The following AHNAK2 variants were observed in gnomAD, a reference collection of about 807,000 sequenced individuals.
AHNAK2 encodes AHNAK nucleoprotein 2.
In AHNAK2, 18 loss-of-function variants were observed where a neutral mutation model predicts 30.7. The ratio of observed to expected loss-of-function variants is 0.59; its 90% CI spans 0.41 to 0.87. The LOEUF is 0.87. Among genes scored for constraint, AHNAK2 ranks in the 40% least tolerant of loss-of-function variants. The pLI, the probability that AHNAK2 is intolerant of heterozygous loss-of-function variation, is 0.00. For missense variants in AHNAK2, 8,604 were observed against 7,373.0 expected, an observed-to-expected ratio of 1.17 and a Z score of -6.11; for synonymous variants, 3,590 against 3,073.8, an observed-to-expected ratio of 1.17 and a Z score of -5.56.
Position 104,954,256 on chromosome 14 carries a change from GC to G in AHNAK2, c.1194del (p.Glu398AspfsTer49), listed in dbSNP as rs1310517797. ...CCCTCGCAAAGTCTAGGGTCACCGA[GC>G]TCTGTGGGCAATGGCATGCTCTGAG... is the stretch of plus-strand genomic sequence containing the variant. ...MPAQSMPLPTELGDPRLCEGT... is the reference protein window; with the variant it reads ...MPAQSMPLPTXLGDPRLCEGT... On this transcript the variant is annotated frameshift_variant, in exon 7 of 7. Transcript: ENST00000333244. LOFTEE classifies it low-confidence loss of function (END_TRUNC). This position sits in a 1 kb window ranked among gnomAD's most constrained non-coding sequence, Gnocchi z 4.3. 6.2e-7 allele frequency: 1 copy of G among 1,612,894 alleles called. No individual in the cohort carries two copies. The highest frequency in any genetic ancestry group is 1.3e-5 in the African/African-American group (1 of 74,916).
In AHNAK2 at chr14:104,940,594, A is replaced by G; in HGVS notation, c.14857T>C (p.Leu4953=). The G allele has an allele frequency of 6.2e-7, 1 of 1,613,624 alleles. No homozygotes were observed. Among genetic ancestry groups the G allele is most frequent in the Non-Finnish European group, 8.5e-7 (1 of 1,179,832 alleles). Residue 4953 remains leucine, a synonymous_variant, in exon 7 of 7, where the codon TTG becomes CTG. Transcript: ENST00000333244. The surrounding 1 kb of genome is among the most constrained non-coding windows in gnomAD (Gnocchi z 4.4). The stretch of plus-strand genomic sequence containing the variant: ...GGAAGCTTAATCTTAGGCATTTTCA[A>G]GGGACTCCCTTTCCCTTCGTGGTCA... The part of the protein sequence containing the change: ...DADHEGKGSP[L]KMPKIKLPSF...
Position 104,939,125 on chromosome 14 carries a change from C to A in AHNAK2, c.16326G>T (p.Gly5442=). The stretch of plus-strand genomic sequence containing the variant: ...GGTCCACAGGCTGCTCCCCAGGGAC[C>A]CCAGCACCTGCCTTCAGGATGCTGG... The part of the protein sequence containing the change: ...WGASILKAGA[G]VPGEQPVDLN... The change falls in exon 7 of 7, where the codon GGG becomes GGT. Residue 5442 remains glycine (G), a synonymous_variant. Transcript: ENST00000333244. 1 of 1,608,890 alleles carries A rather than the reference C, an allele frequency of 6.2e-7. No homozygotes were observed. Among genetic ancestry groups the A allele is most frequent in the Non-Finnish European group, 8.5e-7 (1 of 1,177,902 alleles).
rs1898103990 is a variant in AHNAK2, at chr14:104,943,656, G to C, written c.11795C>G (p.Pro3932Arg). 5 of 1,613,038 alleles carry C rather than the reference G, an allele frequency of 3.1e-6. No individual in the cohort carries two copies. The highest frequency in any genetic ancestry group is 4.2e-6 in the Non-Finnish European group (5 of 1,179,648). ...GGCCTCGACGTCCACCTCCACGCTG[G>C]GCAGAGAAACCTCCACATCAGGGGC... ...VTAPDVEVSL[P>R]SVEVDVEAPG... The change falls in exon 7 of 7, where the codon CCC (proline) becomes CGC (arginine). Residue 3932 changes from proline to arginine, a missense_variant. Pro to Arg is a moderately radical substitution (Grantham distance 103). Transcript: ENST00000333244.
chr14:104,939,304 T>C lies in AHNAK2; in HGVS notation c.16147A>G (p.Thr5383Ala), dbSNP rs552536214. ...VDQLWEDSVL[T>A]VKFPKLMVPR... ...ACCATTAATTTGGGGAATTTGACAG[T>C]TAGGACAGAATCTTCCCACAGTTGA... Residue 5383 changes from threonine (T) to alanine (A), a missense_variant, in exon 7 of 7, where the codon ACT becomes GCT. By Grantham distance (58) the Thr-to-Ala change is moderately conservative (BLOSUM62 0). Transcript: ENST00000333244. 5 of 1,613,778 alleles carry C rather than the reference T, an allele frequency of 3.1e-6. No individual in the cohort carries two copies. The South Asian group carries it at 5.5e-5, about 18-fold the overall frequency.
At chr14:104,967,940 C>T (rs1039038721) in intron 1 of AHNAK2, among the ~76,000 whole-genome samples, 1 of 152,218 alleles carries the variant, frequency 6.6e-6, no homozygotes. Context: ...CAGGGGAGGC[C>T]GCCTTTGCCC....
rs1371935342 is a variant in AHNAK2, at chr14:104,949,571, G to GA, written c.5879_5880insT (p.Gln1961ProfsTer4). On this transcript the variant is annotated frameshift_variant, in exon 7 of 7. Transcript: ENST00000333244. LOFTEE classifies it low-confidence loss of function (END_TRUNC). ...GCGCACCATCCAGCTTAGCCTTCTG[G>GA]GCCTGGACATCCACCTCCATGCTGG... The GA allele has an allele frequency of 1.4e-5, 23 of 1,587,776 alleles. 2 individuals carry two copies. The African/African-American group carries it at 2.9e-4, about 20-fold the overall frequency.
rs1471964123 is a variant in AHNAK2, at chr14:104,949,996, T to A, written c.5455A>T (p.Lys1819Ter). 6.3e-7 allele frequency: 1 copy of A among 1,587,572 alleles called. No individual in the cohort carries two copies. Among genetic ancestry groups the A allele is most frequent in the East Asian group, 2.2e-5 (1 of 44,654 alleles). Residue 1819 changes from lysine (K) to a stop codon, truncating the protein, a stop_gained, in exon 7 of 7, where the codon AAA becomes TAA. Coordinates refer to ENST00000333244, the MANE Select transcript of AHNAK2 (RefSeq NM_138420.4). LOFTEE classifies it low-confidence loss of function (END_TRUNC). ...LSLADKDVTA[K>*]DSKFKMPKFK... ...TTGGGCATTTTGAACTTGCTGTCTT[T>A]GGCAGTCACATCCTTGTCGGCCAGG...
At chr14:104,975,743 C>A (rs569324677) in intron 1 of AHNAK2, among the ~76,000 whole-genome samples, 2 of 151,554 alleles carry the variant, frequency 1.3e-5, no homozygotes, top group Non-Finnish European at 3.0e-5. Flanking sequence ...CAGGGAGACA[C>A]CAGGGTGGTG....
In AHNAK2 at chr14:104,977,232, C is replaced by A. The variant is rs995961725; in HGVS notation, c.55+951G>T. Among the ~76,000 whole-genome samples the A allele has an allele frequency of 2.0e-5, 3 of 152,180 alleles. No individual in the cohort carries two copies. The East Asian group carries it at 5.8e-4, about 29-fold the overall frequency. Reference sequence around the variant, plus strand: ...CAGCCTGCACCAGTGCCGGCCAGCCCAACCCCCTGGCCAGTGGCTGCCAAT... The same window carrying A: ...CAGCCTGCACCAGTGCCGGCCAGCCAAACCCCCTGGCCAGTGGCTGCCAAT... On this transcript the variant is annotated intron_variant, in intron 1 of 6. Transcript: ENST00000333244.
At chr14:104,976,616 C>T (rs190853520) in intron 1 of AHNAK2, among the ~76,000 whole-genome samples, 221 of 152,314 alleles carry the variant, frequency 1.5e-3, no homozygotes, top group African/African-American at 4.9e-3. Flanking sequence ...GAGCCACTGA[C>T]CTTATTCCCT....
At position 104,973,803 on chromosome 14, in the gene AHNAK2, C is replaced by T. The variant is rs535101635; in HGVS notation, c.55+4380G>A. Among the ~76,000 whole-genome samples, 965 of 152,330 alleles carry T rather than the reference C, an allele frequency of 6.3e-3. 12 individuals carry two copies. Among genetic ancestry groups the T allele is most frequent in the Non-Finnish European group, 5.7e-3 (387 of 68,026 alleles). ...CAAGAGCTCTGCAGAGAGGAGGCCC[C>T]GATGCCACTCCCACCCTCACAAGCA... On this transcript the variant is annotated intron_variant, in intron 1 of 6. Coordinates refer to ENST00000333244, the MANE Select transcript of AHNAK2 (RefSeq NM_138420.4).
rs1898723731 is a variant in AHNAK2, at chr14:104,951,718, G to A, written c.3733C>T (p.His1245Tyr). ...HVPEGAGFKG[H>Y]LPKVQMPSLK... is the part of the protein sequence containing the mutation. ...CTAGGCATCTGCACCTTGGGCAGGTGCCCTTTGAAGCCGGCTCCCTCAGGC... is the reference window on the plus strand; with the variant it reads ...CTAGGCATCTGCACCTTGGGCAGGTACCCTTTGAAGCCGGCTCCCTCAGGC... Residue 1245 changes from histidine to tyrosine, a missense_variant, in exon 7 of 7, where the codon CAC (histidine) becomes TAC (tyrosine). Physicochemically the swap from His to Tyr is moderately conservative, Grantham distance 83 (BLOSUM62 2). Transcript: ENST00000333244. 2 of 1,246,996 alleles carry A rather than the reference G, an allele frequency of 1.6e-6. 1 individual carries two copies. The highest frequency in any genetic ancestry group is 2.9e-5 in the South Asian group (2 of 70,098). 77.2% of individuals were successfully genotyped at this position (1,246,996 alleles called of 1,614,324 possible).
rs1046356685 is a variant in AHNAK2 at position 104,955,274 on chromosome 14, C to A, written c.467-133G>T. 4 of 1,287,370 alleles carry A rather than the reference C, an allele frequency of 3.1e-6. No individual in the cohort carries two copies. The African/African-American group carries it at 4.5e-5, about 14-fold the overall frequency. The allele number at this position is 1,287,370 out of a possible 1,614,324, so 79.7% of individuals were successfully genotyped here. A position where few individuals can be genotyped will look rare whatever the true frequency, so the allele number is the denominator to read the frequency against. On this transcript the variant is annotated intron_variant, in intron 5 of 6. Coordinates refer to ENST00000333244, the MANE Select transcript of AHNAK2 (RefSeq NM_138420.4). ...CCACTGAGTCTGCCCCACCAGTCCC[C>A]CACTGAGTGCCTCAGGCACAGGCAA...
chr14:104,963,597 G>A (rs371982106), intron 1 of AHNAK2, among the ~76,000 whole-genome samples: 5 of 152,250 alleles, frequency 3.3e-5, no homozygotes, highest in African/African-American at 4.8e-5. Flanking sequence ...TTGGGAGGCC[G>A]AGGCGGGCGG....
At chr14:104,975,839 G>A (rs1899576036) in intron 1 of AHNAK2, among the ~76,000 whole-genome samples, 1 of 152,184 alleles carries the variant, frequency 6.6e-6, no homozygotes, top group African/African-American at 2.4e-5. Context: ...GACCCCGAAT[G>A]TGAGGTCCTG....
At chr14:104,976,787 C>G (rs1229808297) in intron 1 of AHNAK2, among the ~76,000 whole-genome samples, 1 of 135,486 alleles carries the variant, frequency 7.4e-6, no homozygotes, top group African/African-American at 2.4e-5. Flanking sequence ...GAGGAGGAAG[C>G]AGAGCAGAAA....
Position 104,939,362 on chromosome 14 carries a change from A to C in AHNAK2, c.16089T>G (p.Asp5363Glu). Reference protein sequence around the residue: ...GPLKLKASSTDMPSQISVVNV... With the variant: ...GPLKLKASSTEMPSQISVVNV... ...TAACCACAGAAATCTGGGATGGCAT[A>C]TCAGTACTTGAAGCTTTCAATTTAA... The change falls in exon 7 of 7, where the codon GAT becomes GAG. Residue 5363 changes from aspartate to glutamate, a missense_variant. By Grantham distance (45) the Asp-to-Glu change is conservative. Coordinates refer to ENST00000333244, the MANE Select transcript of AHNAK2 (RefSeq NM_138420.4). 1 of 1,613,720 alleles carries C rather than the reference A, an allele frequency of 6.2e-7. No homozygotes were observed. Among genetic ancestry groups the C allele is most frequent in the East Asian group, 2.2e-5 (1 of 44,888 alleles).
rs557689648 is a variant in AHNAK2, at chr14:104,950,536, G to A, written c.4915C>T (p.Gln1639Ter). ...QAPRAKLDGA[Q>*]LEGDLSLADK... is the part of the protein sequence containing the mutation. The stretch of plus-strand genomic sequence containing the variant: ...GCCAGGGACAGGTCCCCCTCCAGCT[G>A]CGCACCATCCAGCTTTGCTCTCGGG... Residue 1639 changes from glutamine to a stop codon, truncating the protein, a stop_gained, in exon 7 of 7, where the codon CAG (glutamine) becomes TAG (stop). Coordinates refer to ENST00000333244, the MANE Select transcript of AHNAK2 (RefSeq NM_138420.4). LOFTEE classifies it low-confidence loss of function (END_TRUNC). 83 of 1,586,882 alleles carry A rather than the reference G, an allele frequency of 5.2e-5. 6 individuals are homozygous for A. The highest frequency in any genetic ancestry group is 4.1e-4 in the East Asian group (18 of 44,236).
Position 104,937,993 on chromosome 14 carries a change from A to G in AHNAK2, c.*70T>C, listed in dbSNP as rs1008735426. 2 of 1,513,992 alleles carry G rather than the reference A, an allele frequency of 1.3e-6. No individual in the cohort carries two copies. The highest frequency in any genetic ancestry group is 1.8e-6 in the Non-Finnish European group (2 of 1,115,180). 93.8% of individuals were successfully genotyped at this position (1,513,992 alleles called of 1,614,324 possible). ...AATGTGCTGTGGGATGGGGTGCTCCATATGTGTGTGTAGCCTTTACTTTCC... is the reference window on the plus strand; with the variant it reads ...AATGTGCTGTGGGATGGGGTGCTCCGTATGTGTGTGTAGCCTTTACTTTCC... On this transcript the variant is annotated 3_prime_UTR_variant, in exon 7 of 7. Transcript: ENST00000333244.
Sources: allele counts gnomAD v4.1 joint callset (sites outside exome capture counted in the v4.1 genomes callset), GRCh38; gene constraint gnomAD v4.1.1; non-coding constraint Gnocchi (gnomAD v3.1); transcripts MANE v1.5; gene names NCBI Gene and HGNC (gene_info 2026-07-23, HGNC 2026-07-21).